The following COL5A2 variants were observed in gnomAD, a reference collection of about 807,000 sequenced individuals.
COL5A2 encodes collagen alpha-2(V) chain.
In COL5A2, 23 loss-of-function variants were observed where a neutral mutation model predicts 208.2. The observed-to-expected ratio is 0.11, with a 90% CI of 0.08 to 0.16. COL5A2 has a LOEUF of 0.16. COL5A2 is among the 10% of genes least tolerant of loss of function. COL5A2 has a pLI of 1.00. For synonymous variants in COL5A2, 625 were observed against 628.5 expected, an observed-to-expected ratio of 0.99 and a Z score of 0.08; for missense variants, 1,590 against 1,956.4, an observed-to-expected ratio of 0.81 and a Z score of 3.53.
At chr2:189,284,654 CA>C in the COL5A2 span, among the ~76,000 whole-genome samples, 1 of 152,126 alleles carries the variant, frequency 6.6e-6, no homozygotes, top group Non-Finnish European at 1.5e-5. Flanking sequence ...GACACAGAGA[CA>C]AACCATATCA....
At chr2:189,115,272 T>C (rs965159562) in intron 1 of COL5A2, among the ~76,000 whole-genome samples, 11 of 152,172 alleles carry the variant, frequency 7.2e-5, no homozygotes, top group Admixed American at 6.6e-4. Flanking sequence ...AAGAATTCAG[T>C]TCTTAATCAC....
At chr2:189,370,342 G>A in the COL5A2 span, among the ~76,000 whole-genome samples, 1 of 152,212 alleles carries the variant, frequency 6.6e-6, no homozygotes, top group East Asian at 1.9e-4. Flanking sequence ...CTATTTCATA[G>A]AGTCATTATA....
chr2:189,058,368 T>G, intron 33 of COL5A2, 61 bp downstream of exon 33: 1 of 1,220,598 alleles, frequency 8.2e-7, no homozygotes, highest in Non-Finnish European at 1.2e-6. Context: ...CACACCATCA[T>G]GCGTTTATTA....
At position 189,167,944 on chromosome 2, in the gene COL5A2, A is replaced by AT. The variant is rs71020985; in HGVS notation, c.97+11563dup. ...CTCTTTTTTCCCAGTACAAACTCCT[A>AT]TTTTTTTTTTTTTGAGACGGACTCT... On this transcript the variant is annotated intron_variant, in intron 1 of 53. Coordinates refer to ENST00000374866, the MANE Select transcript of COL5A2 (RefSeq NM_000393.5). Among the ~76,000 whole-genome samples the AT allele has an allele frequency of 1.5e-3, 209 of 139,884 alleles. 1 individual carries two copies. Among genetic ancestry groups the AT allele is most frequent in the African/African-American group, 2.4e-3 (90 of 38,078 alleles). 91.8% of individuals were successfully genotyped at this position (139,884 alleles called of 152,430 possible).
the COL5A2 span, among the ~76,000 whole-genome samples, chr2:189,315,102 C>G: frequency 3.3e-5 from 5 of 152,070 alleles, no homozygotes; most frequent in Non-Finnish European, 4.4e-5. Context: ...ATCCTGATAC[C>G]CAAACCTGGG....
At chr2:189,339,180 G>A in the COL5A2 span, among the ~76,000 whole-genome samples, 7 of 151,928 alleles carry the variant, frequency 4.6e-5, no homozygotes, top group Admixed American at 6.6e-5. Flanking sequence ...GCGAAATCTC[G>A]TCTCTACAAA....
At chr2:189,054,237 T>A (rs899708956) in intron 35 of COL5A2, 25 bp from the exon 36 acceptor site, 1 of 1,587,970 alleles carries the variant, frequency 6.3e-7, no homozygotes, top group Non-Finnish European at 8.6e-7. Flanking sequence ...AACATAGGCA[T>A]ATTGAGGTAA....
the COL5A2 span, among the ~76,000 whole-genome samples, chr2:189,278,736 C>T: frequency 9.2e-5 from 14 of 151,746 alleles, no homozygotes; most frequent in African/African-American, 3.4e-4. Context: ...GATACTGATA[C>T]TTCTTTTGTT....
At chr2:189,423,597 A>G in the COL5A2 span, among the ~76,000 whole-genome samples, 1 of 152,170 alleles carries the variant, frequency 6.6e-6, no homozygotes, top group African/African-American at 2.4e-5. Flanking sequence ...ATGAACAATT[A>G]TATGCCAACA....
chr2:189,133,542 A>T (rs1257393755), intron 1 of COL5A2, among the ~76,000 whole-genome samples: 3 of 152,146 alleles, frequency 2.0e-5, no homozygotes, highest in African/African-American at 7.2e-5. Context: ...GTTGATAGTG[A>T]TAGGGATGGC....
chr2:189,179,593 G>C lies in COL5A2; in HGVS notation c.12C>G (p.Asn4Lys). Reference sequence around the variant, plus strand: ...TGAGGAGAGGTCTTGCTTCCGCCCAGTTTGCCATCATGTCTAAATATTAGA... The same window carrying C: ...TGAGGAGAGGTCTTGCTTCCGCCCACTTTGCCATCATGTCTAAATATTAGA... MMANWAEARPLLIL... is the reference protein window; with the variant it reads MMAKWAEARPLLIL... The change falls in exon 1 of 54, where the codon AAC becomes AAG. Residue 4 changes from asparagine to lysine, a missense_variant. Physicochemically the swap from Asn to Lys is moderately conservative, Grantham distance 94 (BLOSUM62 0). Transcript: ENST00000374866. 1 of 1,606,118 alleles carries C rather than the reference G, an allele frequency of 6.2e-7. No homozygotes were observed. Among genetic ancestry groups the C allele is most frequent in the Non-Finnish European group, 8.5e-7 (1 of 1,175,238 alleles).
the COL5A2 span, among the ~76,000 whole-genome samples, chr2:189,407,642 G>A: frequency 1.3e-5 from 2 of 152,140 alleles, no homozygotes; most frequent in South Asian, 4.1e-4. Flanking sequence ...AGACTCAAGA[G>A]GCTGATTCCA....
intron 1 of COL5A2, among the ~76,000 whole-genome samples, chr2:189,141,382 A>G (rs991493137): frequency 6.6e-6 from 1 of 152,170 alleles, no homozygotes; most frequent in African/African-American, 2.4e-5. Context: ...CTTATTACAT[A>G]TAAAGGGATT....
chr2:189,263,380 G>A, the COL5A2 span, among the ~76,000 whole-genome samples: 1 of 152,118 alleles, frequency 6.6e-6, no homozygotes, highest in African/African-American at 2.4e-5. Context: ...GTCATGTACT[G>A]CATAATACTT....
At chr2:189,051,035 T>A (rs1685775923) in intron 42 of COL5A2, among the ~76,000 whole-genome samples, 1 of 152,130 alleles carries the variant, frequency 6.6e-6, no homozygotes. Context: ...GGCATTTGCA[T>A]ATAAAATATA....
the COL5A2 span, among the ~76,000 whole-genome samples, chr2:189,387,649 G>T: frequency 3.3e-5 from 5 of 152,186 alleles, no homozygotes; most frequent in East Asian, 5.8e-4. Flanking sequence ...CCACTTCTGG[G>T]ACTCTAGCCT....
At chr2:189,385,116 A>C in the COL5A2 span, among the ~76,000 whole-genome samples, 1 of 152,102 alleles carries the variant, frequency 6.6e-6, no homozygotes, top group Non-Finnish European at 1.5e-5. Context: ...AAGTTCACAG[A>C]TTTCTTATAT....
the COL5A2 span, among the ~76,000 whole-genome samples, chr2:189,351,887 C>T: frequency 6.6e-6 from 1 of 152,042 alleles, no homozygotes; most frequent in South Asian, 2.1e-4. Flanking sequence ...TATACACGTG[C>T]CATGGTGGTT....
At chr2:189,123,163 C>A (rs1194525724) in intron 1 of COL5A2, among the ~76,000 whole-genome samples, 1 of 151,990 alleles carries the variant, frequency 6.6e-6, no homozygotes, top group Non-Finnish European at 1.5e-5. Flanking sequence ...AAGGTTTCAC[C>A]ACGTTGGTCA....
Sources: gnomAD v4.1 joint callset for allele counts (sites outside exome capture counted in the v4.1 genomes callset) on GRCh38, gnomAD v4.1.1 for gene constraint, MANE v1.5 for transcripts, NCBI Gene and HGNC (gene_info 2026-07-23, HGNC 2026-07-21) for gene names.